The following SIRPG variants were observed in gnomAD, a reference collection of about 807,000 sequenced individuals.
The protein encoded by SIRPG is signal-regulatory protein gamma.
SIRPG carries 38 observed loss-of-function variants against 35.7 expected under a neutral mutation model. The observed-to-expected ratio is 1.06, with a 90% CI of 0.82 to 1.40. The LOEUF (loss-of-function observed/expected upper bound fraction) is 1.40. SIRPG is among the 40% of genes most tolerant of loss of function. The pLI is 0.00. For synonymous variants in SIRPG, 215 were observed against 190.4 expected (o/e 1.13, Z -1.06); for missense variants, 519 against 483.0 (o/e 1.07, Z -0.70).
chr20:1,671,912 A>G, the SIRPG span, among the ~76,000 whole-genome samples: 1 of 152,162 alleles, frequency 6.6e-6, no homozygotes, highest in African/African-American at 2.4e-5. Context: ...TAAACCCACA[A>G]CCGTCTGGAG....
the SIRPG span, among the ~76,000 whole-genome samples, chr20:1,672,395 C>G: frequency 6.6e-6 from 1 of 152,128 alleles, no homozygotes; most frequent in South Asian, 2.1e-4. Context: ...AAAGCTTTAA[C>G]GAAGAGCCGA....
the SIRPG span, among the ~76,000 whole-genome samples, chr20:1,672,590 C>A: frequency 6.6e-6 from 1 of 152,158 alleles, no homozygotes; most frequent in African/African-American, 2.4e-5. Context: ...GAATTGTCTC[C>A]AAAACCAACT....
intron 4 of SIRPG, chr20:1,633,835 A>C (rs540917261): frequency 6.6e-6 from 1 of 152,286 alleles, no homozygotes; most frequent in Non-Finnish European, 1.5e-5. Flanking sequence ...ACACAGGCCA[A>C]CTTCAGGTCC....
chr20:1,667,130 CAAGTGATCCCCCTGCCTTGGCCTCTCA>C, the SIRPG span, among the ~76,000 whole-genome samples: 1 of 152,182 alleles, frequency 6.6e-6, no homozygotes, highest in South Asian at 2.1e-4. Flanking sequence ...CTCTTGGGCT[CAAGTGATCCCCCTGCCTTGGCCTCTCA>C]AAGTGCTGGG....
chr20:1,679,480 A>G, the SIRPG span, among the ~76,000 whole-genome samples: 39 of 151,768 alleles, frequency 2.6e-4, no homozygotes, highest in African/African-American at 8.9e-4. Context: ...TGTGTCCTCC[A>G]CCCTAACTCC....
chr20:1,677,465 G>T, the SIRPG span, among the ~76,000 whole-genome samples: 2 of 152,146 alleles, frequency 1.3e-5, no homozygotes, highest in Admixed American at 6.5e-5. Flanking sequence ...AGGCTCTGAT[G>T]GAGTCTGCTC....
At chr20:1,669,099 C>T in the SIRPG span, among the ~76,000 whole-genome samples, 1 of 152,134 alleles carries the variant, frequency 6.6e-6, no homozygotes, top group African/African-American at 2.4e-5. Flanking sequence ...GGAATATCGG[C>T]CAACTTCAGA....
At chr20:1,657,920 T>C (rs2091985016), upstream of SIRPG, 1 of 521,596 alleles carries the variant, frequency 1.9e-6, no homozygotes, top group African/African-American at 2.0e-5. Flanking sequence ...TCGTGCTCCA[T>C]TTTCAGGATA....
the SIRPG span, among the ~76,000 whole-genome samples, chr20:1,683,415 A>G: frequency 6.6e-6 from 1 of 152,224 alleles, no homozygotes; most frequent in Non-Finnish European, 1.5e-5. Flanking sequence ...CAAAGGAAGT[A>G]ACATCAGCAT....
At chr20:1,657,407 A>G (rs79115039) in intron 1 of SIRPG, among the ~76,000 whole-genome samples, 1 of 152,186 alleles carries the variant, frequency 6.6e-6, no homozygotes, top group African/African-American at 2.4e-5. Flanking sequence ...AAAATATTAT[A>G]AAAATGTAAC....
chr20:1,630,380 C>T, intron 4 of SIRPG, 74 bp from the exon 5 acceptor site: 1 of 1,185,260 alleles, frequency 8.4e-7, no homozygotes, highest in Admixed American at 2.4e-5. Context: ...CCACTTACCC[C>T]ATCTGAGGCT....
chr20:1,638,398 CT>C (rs1275881758), intron 2 of SIRPG: 6 of 152,172 alleles, frequency 3.9e-5, no homozygotes, highest in African/African-American at 1.4e-4. Flanking sequence ...AATCTACACA[CT>C]TATTCTTTAG....
the SIRPG span, among the ~76,000 whole-genome samples, chr20:1,664,813 T>G: frequency 6.6e-6 from 1 of 152,158 alleles, no homozygotes; most frequent in African/African-American, 2.4e-5. Context: ...TCAGCCCTCC[T>G]CCTGAGTCCT....
intron 2 of SIRPG, chr20:1,646,259 C>T (rs1014312580): frequency 2.0e-5 from 3 of 152,248 alleles, no homozygotes; most frequent in African/African-American, 7.2e-5. Flanking sequence ...AAGGGAGAAG[C>T]CTCCCTCCTG....
chr20:1,681,649 G>A, the SIRPG span, among the ~76,000 whole-genome samples: 1 of 151,816 alleles, frequency 6.6e-6, no homozygotes, highest in South Asian at 2.1e-4. Flanking sequence ...TGGCCAACAT[G>A]GCAAAACCCT....
intron 4 of SIRPG, chr20:1,633,557 A>C (rs891157457): frequency 6.6e-6 from 1 of 152,222 alleles, no homozygotes; most frequent in Non-Finnish European, 1.5e-5. Context: ...GTGTACATGC[A>C]TGACTGAGTT....
the SIRPG span, among the ~76,000 whole-genome samples, chr20:1,674,622 A>C: frequency 2.8e-3 from 427 of 152,262 alleles, 1 homozygote; most frequent in African/African-American, 9.9e-3. Context: ...AACCTGAACA[A>C]CACCACCATT....
chr20:1,634,170 G>A (rs1227722155), intron 4 of SIRPG, among the ~76,000 whole-genome samples: 3 of 150,584 alleles, frequency 2.0e-5, no homozygotes, highest in Non-Finnish European at 4.4e-5. Flanking sequence ...GAAGAGGTCC[G>A]TTCTGTGACC....
the SIRPG span, among the ~76,000 whole-genome samples, chr20:1,685,883 G>A: frequency 6.6e-6 from 1 of 152,130 alleles, no homozygotes; most frequent in Non-Finnish European, 1.5e-5. Flanking sequence ...CACACACCCT[G>A]TCAGGCTGTC....
Sources: allele counts gnomAD v4.1 joint callset (sites outside exome capture counted in the v4.1 genomes callset), GRCh38; gene constraint gnomAD v4.1.1; transcripts MANE v1.5; gene names NCBI Gene and HGNC (gene_info 2026-07-23, HGNC 2026-07-21).